DCLK1: variants seen among roughly 807,000 people sequenced by gnomAD.
DCLK1 encodes doublecortin like kinase 1, also known as serine/threonine-protein kinase DCLK1.
In DCLK1, 16 loss-of-function variants were observed where a neutral mutation model predicts 86.2. The observed-to-expected ratio is 0.19, with a 90% CI of 0.13 to 0.28. The LOEUF (loss-of-function observed/expected upper bound fraction) is 0.28. Among genes scored for constraint, DCLK1 ranks in the 10% least tolerant of loss-of-function variants. The pLI is 1.00. For synonymous variants in DCLK1, 369 were observed against 370.5 expected, an observed-to-expected ratio of 1.00 and a Z score of 0.05; for missense variants, 590 against 940.2, an observed-to-expected ratio of 0.63 and a Z score of 4.87.
At chr13:35,861,832 C>A (rs968252189) in intron 5 of DCLK1, among the ~76,000 whole-genome samples, 1 of 145,070 alleles carries the variant, frequency 6.9e-6, no homozygotes, top group African/African-American at 2.5e-5. Context: ...CGAGACCACC[C>A]TGGATAACAT....
chr13:35,847,082 C>T, intron 6 of DCLK1: 6 of 983,310 alleles, frequency 6.1e-6, no homozygotes, highest in Non-Finnish European at 7.2e-6. Context: ...CATACACACA[C>T]AATAGAAAAA....
At position 35,925,465 on chromosome 13, in the gene DCLK1, C is replaced by T. The variant is rs192292832; in HGVS notation, c.823+21893G>A. Among the ~76,000 whole-genome samples, 254 of 152,286 alleles carry T rather than the reference C, an allele frequency of 1.7e-3. 1 individual carries two copies. Among genetic ancestry groups the T allele is most frequent in the Non-Finnish European group, 2.8e-3 (188 of 68,020 alleles). On this transcript the variant is annotated intron_variant, in intron 4 of 16. Coordinates refer to ENST00000360631, the MANE Select transcript of DCLK1 (RefSeq NM_001330071.2). Reference sequence around the variant, plus strand: ...TGAAGGCAAAGCTGCAGAAACGATGCCATATATTAGCTAGCCTAGGATCAG... The same window carrying T: ...TGAAGGCAAAGCTGCAGAAACGATGTCATATATTAGCTAGCCTAGGATCAG...
intron 4 of DCLK1, among the ~76,000 whole-genome samples, chr13:35,920,173 C>T (rs928463670): frequency 2.6e-5 from 4 of 152,316 alleles, no homozygotes; most frequent in South Asian, 2.1e-4. Flanking sequence ...TCTCTCTACT[C>T]GTATCTGCAA....
chr13:35,987,083 C>G (rs138463153), intron 3 of DCLK1, among the ~76,000 whole-genome samples: 198 of 152,224 alleles, frequency 1.3e-3, no homozygotes, highest in Non-Finnish European at 9.1e-4. Flanking sequence ...ATTAATTGAG[C>G]AGAGAAAGGG....
chr13:35,928,039 T>C (rs932221477), intron 4 of DCLK1, among the ~76,000 whole-genome samples: 1 of 152,186 alleles, frequency 6.6e-6, no homozygotes, highest in East Asian at 1.9e-4. Context: ...CTAGCCCTAG[T>C]CTGTAGGCTT....
rs556126350 is a variant in DCLK1 at position 35,842,105 on chromosome 13, T to C, written c.1036-2929A>G. The stretch of plus-strand genomic sequence containing the variant: ...TTAGCCAGGCATGGTGGCGGGTGTC[T>C]GTAGTCCCAGCTAATCGGGAGGCTG... On this transcript the variant is annotated intron_variant, in intron 6 of 16. Coordinates refer to ENST00000360631, the MANE Select transcript of DCLK1 (RefSeq NM_001330071.2). Among the ~76,000 whole-genome samples the C allele has an allele frequency of 2.0e-4, 30 of 151,774 alleles. No individual in the cohort carries two copies. The East Asian group carries it at 5.4e-3, about 28-fold the overall frequency.
intron 10 of DCLK1, among the ~76,000 whole-genome samples, chr13:35,823,873 C>T (rs950219913): frequency 6.6e-6 from 1 of 152,218 alleles, no homozygotes; most frequent in South Asian, 2.1e-4. Context: ...GCCCTCTGTG[C>T]CCCTGTACAG....
chr13:35,915,347 A>T (rs1875344526), intron 4 of DCLK1, among the ~76,000 whole-genome samples: 1 of 152,208 alleles, frequency 6.6e-6, no homozygotes, highest in East Asian at 1.9e-4. Context: ...TACCAGCCGC[A>T]AAGGCTGTGT....
At chr13:35,795,678 T>C (rs936062885) in intron 15 of DCLK1, among the ~76,000 whole-genome samples, 1 of 152,090 alleles carries the variant, frequency 6.6e-6, no homozygotes, top group African/African-American at 2.4e-5. Context: ...CTCAGCACTT[T>C]GGGAGGCCGA....
intron 3 of DCLK1, among the ~76,000 whole-genome samples, chr13:36,060,071 A>AT (rs1303255178): frequency 2.0e-5 from 3 of 151,956 alleles, no homozygotes; most frequent in Admixed American, 2.0e-4. Context: ...GGGTTTCACC[A>AT]TGTTGGCCAG....
In DCLK1 at chr13:35,847,623, AAAAGAAAGAAAGAAAG is replaced by A. The variant is rs6145000; in HGVS notation, c.1035+6860_1035+6875del. 46 of 651,166 alleles carry A rather than the reference AAAAGAAAGAAAGAAAG, an allele frequency of 7.1e-5. No homozygotes were observed. The Admixed American group carries it at 1.4e-3, about 20-fold the overall frequency. The allele number at this position is 651,166 out of a possible 1,614,324, so 40.3% of individuals were successfully genotyped here. A position where few individuals can be genotyped will look rare whatever the true frequency, so the allele number is the denominator to read the frequency against. On this transcript the variant is annotated intron_variant, in intron 6 of 16. Transcript: ENST00000360631. ...CACACTTCATTGTTTTTAAGCAAAAAAAAGAAAGAAAGAAAGAAAGAAAGAAAGAAAGAAAAAGAGC... is the reference window on the plus strand; with the variant it reads ...CACACTTCATTGTTTTTAAGCAAAAAAAAGAAAGAAAGAAAGAAAAAGAGC...
At chr13:36,022,738 A>G (rs1881837896) in intron 3 of DCLK1, among the ~76,000 whole-genome samples, 2 of 152,290 alleles carry the variant, frequency 1.3e-5, no homozygotes, top group African/African-American at 2.4e-5. Context: ...CCCTGTAATA[A>G]GTAAAGAGAA....
intron 4 of DCLK1, among the ~76,000 whole-genome samples, chr13:35,889,151 G>A (rs73518617): frequency 0.038 from 5,743 of 152,240 alleles, 341 homozygotes; most frequent in African/African-American, 0.13. Flanking sequence ...AGCTAAGAGA[G>A]AAGCTATTGA....
intron 5 of DCLK1, chr13:35,855,571 C>T: frequency 6.3e-7 from 1 of 1,591,120 alleles, no homozygotes; most frequent in Non-Finnish European, 8.6e-7. Context: ...ACGGCGGAAT[C>T]CCGTCTCAGC....
intron 11 of DCLK1, among the ~76,000 whole-genome samples, chr13:35,813,479 T>C (rs2087195078): frequency 6.6e-6 from 1 of 152,180 alleles, no homozygotes; most frequent in Non-Finnish European, 1.5e-5. Flanking sequence ...AAATTCCATC[T>C]AACATATAGC....
chr13:35,794,386 T>A (rs1345025265), intron 15 of DCLK1, among the ~76,000 whole-genome samples: 1 of 151,638 alleles, frequency 6.6e-6, no homozygotes, highest in African/African-American at 2.4e-5. Context: ...CTCCTGGCAA[T>A]CACTTCGATG....
At chr13:35,901,491 CAAAAAAAAAAAAA>C (rs58801666) in intron 4 of DCLK1, among the ~76,000 whole-genome samples, 1 of 45,872 alleles carries the variant, frequency 2.2e-5, no homozygotes, top group Non-Finnish European at 3.4e-5. Context: ...GACTCTGTCT[CAAAAAAAAAAAAA>C]AAAAAAAAAA....
At chr13:35,978,203 CTTTTTTTTTTTTT>C (rs11311688) in intron 3 of DCLK1, among the ~76,000 whole-genome samples, 4 of 82,758 alleles carry the variant, frequency 4.8e-5, no homozygotes, top group African/African-American at 2.0e-4. Context: ...CTTTTCTTTT[CTTTTTTTTTTTTT>C]TTTTTTTTTT....
chr13:35,965,767 G>C (rs535944074), intron 3 of DCLK1, among the ~76,000 whole-genome samples: 1 of 152,120 alleles, frequency 6.6e-6, no homozygotes, highest in Admixed American at 6.6e-5. Flanking sequence ...TAGAGCACTT[G>C]TATTCTCTCA....
Sources: gnomAD v4.1 joint callset for allele counts (sites outside exome capture counted in the v4.1 genomes callset) on GRCh38, gnomAD v4.1.1 for gene constraint, MANE v1.5 for transcripts, NCBI Gene and HGNC (gene_info 2026-07-23, HGNC 2026-07-21) for gene names.